The following ANGPT1 variants were observed in gnomAD, a reference collection of about 807,000 sequenced individuals.
ANGPT1 encodes the protein angiopoietin 1.
A neutral mutation model predicts 62.2 loss-of-function variants in ANGPT1; 17 were observed. The observed-to-expected ratio is 0.27, with a 90% CI of 0.19 to 0.41. The LOEUF (loss-of-function observed/expected upper bound fraction) is 0.41, where lower values mean the gene tolerates loss of function less well. Ranked by LOEUF, ANGPT1 falls within the 10% of genes least tolerant of loss-of-function variation. The pLI is 1.00. For synonymous variants in ANGPT1, 199 were observed against 198.9 expected (o/e 1.00, Z 0.00); for missense variants, 478 against 594.9 (o/e 0.80, Z 2.04).
intron 5 of ANGPT1, among the ~76,000 whole-genome samples, chr8:107,298,587 T>G (rs981033771): frequency 6.6e-6 from 1 of 151,914 alleles, no homozygotes; most frequent in Non-Finnish European, 1.5e-5. Flanking sequence ...GAAAACCGTC[T>G]TTGGCTTCCA....
chr8:107,362,899 A>G (rs566875237), intron 1 of ANGPT1, among the ~76,000 whole-genome samples: 60 of 152,318 alleles, frequency 3.9e-4, no homozygotes, highest in African/African-American at 1.4e-3. Flanking sequence ...CACCATGCCT[A>G]TCTTCCCAGT....
chr8:107,295,263 C>G (rs1017034643), intron 5 of ANGPT1: 1 of 152,080 alleles, frequency 6.6e-6, no homozygotes, highest in Non-Finnish European at 1.5e-5. Context: ...TCTTCATTAA[C>G]CCTAGGAATT....
chr8:107,303,778 A>G (rs1814651719), intron 4 of ANGPT1, among the ~76,000 whole-genome samples: 1 of 151,872 alleles, frequency 6.6e-6, no homozygotes, highest in African/African-American at 2.4e-5. Flanking sequence ...GTGCTAACAC[A>G]CTTTTTGGAG....
chr8:107,420,450 A>G (rs530871722), intron 1 of ANGPT1, among the ~76,000 whole-genome samples: 4 of 152,190 alleles, frequency 2.6e-5, no homozygotes, highest in African/African-American at 9.7e-5. Context: ...AGAATTTAAT[A>G]CTATGATTGT....
chr8:107,382,185 G>A (rs1235675534), intron 1 of ANGPT1, among the ~76,000 whole-genome samples: 1 of 152,046 alleles, frequency 6.6e-6, no homozygotes, highest in African/African-American at 2.4e-5. Context: ...AAGAGTAATG[G>A]AAGAAATATA....
chr8:107,344,579 G>A lies in ANGPT1; in HGVS notation c.453+2363C>T, dbSNP rs535360793. Among the ~76,000 whole-genome samples the A allele has an allele frequency of 4.6e-5, 7 of 152,330 alleles. No individual in the cohort carries two copies. The East Asian group carries it at 1.3e-3, about 29-fold the overall frequency. ...CCTGTGGCTTTCTGCATTTTGTTAA[G>A]TCATAAATCTAGAAGGTCAGCAGAA... On this transcript the variant is annotated intron_variant, in intron 2 of 8. Coordinates refer to ENST00000517746, the MANE Select transcript of ANGPT1 (RefSeq NM_001146.5).
At chr8:107,361,532 ATATAT>A in intron 1 of ANGPT1, among the ~76,000 whole-genome samples, 1 of 27,212 alleles carries the variant, frequency 3.7e-5, no homozygotes, top group Non-Finnish European at 8.8e-5. Flanking sequence ...TGTATATATT[ATATAT>A]CAATATAGAA....
chr8:107,471,464 T>G (rs1430769959), intron 1 of ANGPT1, among the ~76,000 whole-genome samples: 2 of 151,922 alleles, frequency 1.3e-5, no homozygotes, highest in East Asian at 1.9e-4. Context: ...AGATGACAGA[T>G]AGATGGGTGC....
intron 1 of ANGPT1, among the ~76,000 whole-genome samples, chr8:107,403,849 A>C (rs753044105): frequency 6.0e-4 from 92 of 152,290 alleles, no homozygotes; most frequent in Non-Finnish European, 9.7e-4. Context: ...AAAAATGAAC[A>C]AGATATTTTT....
At chr8:107,431,291 A>G (rs775736115) in intron 1 of ANGPT1, among the ~76,000 whole-genome samples, 1 of 152,220 alleles carries the variant, frequency 6.6e-6, no homozygotes, top group Admixed American at 6.5e-5. Context: ...CCTTGCAAAA[A>G]CACAGATTTT....
At chr8:107,393,269 T>C (rs1448720794) in intron 1 of ANGPT1, among the ~76,000 whole-genome samples, 1 of 152,108 alleles carries the variant, frequency 6.6e-6, no homozygotes, top group South Asian at 2.1e-4. Context: ...CAAATATAGA[T>C]CAGTGGTTCC....
intron 1 of ANGPT1, among the ~76,000 whole-genome samples, chr8:107,446,567 T>C (rs1325850307): frequency 6.6e-6 from 1 of 152,214 alleles, no homozygotes; most frequent in African/African-American, 2.4e-5. Context: ...AAAGTGGTAA[T>C]AGATTTTGGC....
intron 4 of ANGPT1, among the ~76,000 whole-genome samples, chr8:107,315,327 TA>T (rs1471668242): frequency 6.6e-6 from 1 of 152,180 alleles, no homozygotes; most frequent in Non-Finnish European, 1.5e-5. Context: ...TCTCAGTACT[TA>T]TTTTTAAGTT....
At chr8:107,477,693 T>C (rs1031272140) in intron 1 of ANGPT1, among the ~76,000 whole-genome samples, 5 of 152,326 alleles carry the variant, frequency 3.3e-5, no homozygotes, top group Non-Finnish European at 5.9e-5. Context: ...GAAATTAATC[T>C]TGATTTTATA....
intron 1 of ANGPT1, among the ~76,000 whole-genome samples, chr8:107,356,174 T>C (rs1363113288): frequency 6.6e-6 from 1 of 152,202 alleles, no homozygotes; most frequent in African/African-American, 2.4e-5. Context: ...ATCCTCACTT[T>C]GTGGACCACA....
intron 1 of ANGPT1, among the ~76,000 whole-genome samples, chr8:107,414,164 G>C (rs1044472881): frequency 6.6e-6 from 1 of 152,116 alleles, no homozygotes; most frequent in Non-Finnish European, 1.5e-5. Flanking sequence ...GAATGCTCAA[G>C]GATAGCAGTT....
chr8:107,326,711 T>C (rs1230910316), intron 3 of ANGPT1, among the ~76,000 whole-genome samples: 1 of 152,174 alleles, frequency 6.6e-6, no homozygotes, highest in Non-Finnish European at 1.5e-5. Flanking sequence ...ATTATAGTTA[T>C]ATAGCAATTT....
intron 1 of ANGPT1, among the ~76,000 whole-genome samples, chr8:107,421,801 TATC>T (rs1810902924): frequency 6.6e-6 from 1 of 152,218 alleles, no homozygotes; most frequent in Admixed American, 6.5e-5. Flanking sequence ...GTGATAGGCT[TATC>T]ATTTTATTAT....
rs1816503786 is a variant in ANGPT1 at position 107,375,138 on chromosome 8, G to T, written c.298-28041C>A. On this transcript the variant is annotated intron_variant, in intron 1 of 8. Coordinates refer to ENST00000517746, the MANE Select transcript of ANGPT1 (RefSeq NM_001146.5). ...TCATGCCACTGCACTCCAGCCTGGT[G>T]ACAGAGTGAGACTCCATCTCAAACA... is the stretch of plus-strand genomic sequence containing the variant. 2.0e-5 allele frequency among the ~76,000 whole-genome samples: 3 copies of T among 148,440 alleles called. No homozygotes were observed. In the South Asian group the frequency reaches 6.6e-4, roughly 33 times the overall value.
Sources: allele counts gnomAD v4.1 joint callset (sites outside exome capture counted in the v4.1 genomes callset), GRCh38; gene constraint gnomAD v4.1.1; transcripts MANE v1.5; gene names NCBI Gene and HGNC (gene_info 2026-07-23, HGNC 2026-07-21).